The following GPC6 variants were observed in gnomAD, a reference collection of about 807,000 sequenced individuals.
GPC6 encodes the protein glypican-6.
In GPC6, 14 loss-of-function variants were observed where a neutral mutation model predicts 55.2. That is an observed-to-expected ratio of 0.25 (90% CI 0.17 to 0.40). The LOEUF (loss-of-function observed/expected upper bound fraction) is 0.40. Ranked by LOEUF, GPC6 falls within the 10% of genes least tolerant of loss-of-function variation. GPC6 has a pLI of 1.00. For synonymous variants in GPC6, 278 were observed against 259.6 expected (o/e 1.07, Z -0.68); for missense variants, 641 against 708.5 (o/e 0.90, Z 1.08).
At chr13:93,988,308 T>C (rs1881125546) in intron 3 of GPC6, among the ~76,000 whole-genome samples, 1 of 152,140 alleles carries the variant, frequency 6.6e-6, no homozygotes, top group Non-Finnish European at 1.5e-5. Flanking sequence ...ATCTGCCTCC[T>C]CCTTCTTCAT....
At chr13:93,337,794 T>C (rs1296255171) in intron 1 of GPC6, among the ~76,000 whole-genome samples, 1 of 152,198 alleles carries the variant, frequency 6.6e-6, no homozygotes, top group East Asian at 1.9e-4. Flanking sequence ...GGGTTTCCAC[T>C]ACCCTTCTGG....
At chr13:93,413,630 G>A (rs1876592561) in intron 1 of GPC6, among the ~76,000 whole-genome samples, 1 of 150,706 alleles carries the variant, frequency 6.6e-6, no homozygotes, top group African/African-American at 2.4e-5. Context: ...ATTCAGTAAT[G>A]CAATCATATG....
intron 2 of GPC6, among the ~76,000 whole-genome samples, chr13:93,737,758 G>A (rs1014899049): frequency 1.3e-5 from 2 of 151,980 alleles, no homozygotes; most frequent in African/African-American, 2.4e-5. Flanking sequence ...AATGTTGATT[G>A]GTAGGACTCT....
At chr13:93,946,815 C>CT (rs1315291925) in intron 3 of GPC6, among the ~76,000 whole-genome samples, 3 of 152,114 alleles carry the variant, frequency 2.0e-5, no homozygotes, top group Admixed American at 2.0e-4. Context: ...ATTTTCCTTA[C>CT]TTTTTTCCAG....
At chr13:94,106,760 G>A (rs1170252669) in intron 4 of GPC6, among the ~76,000 whole-genome samples, 2 of 152,084 alleles carry the variant, frequency 1.3e-5, no homozygotes, top group African/African-American at 4.8e-5. Flanking sequence ...TCTCAGTGAA[G>A]TAGTAAAGTA....
chr13:93,320,328 A>C (rs1314361120), intron 1 of GPC6, among the ~76,000 whole-genome samples: 1 of 152,076 alleles, frequency 6.6e-6, no homozygotes, highest in Non-Finnish European at 1.5e-5. Context: ...TATTCTTTTA[A>C]CTACATTTTA....
intron 4 of GPC6, among the ~76,000 whole-genome samples, chr13:94,130,204 G>A (rs763074966): frequency 6.6e-6 from 1 of 151,994 alleles, no homozygotes; most frequent in Non-Finnish European, 1.5e-5. Context: ...TCAACAGAAG[G>A]TACTTCTAAC....
intron 1 of GPC6, among the ~76,000 whole-genome samples, chr13:93,464,937 G>C (rs963929539): frequency 6.6e-6 from 1 of 152,142 alleles, no homozygotes; most frequent in Admixed American, 6.5e-5. Flanking sequence ...GTGTTAGCAG[G>C]AATCAAAACA....
chr13:93,984,233 C>G (rs1160177380), intron 3 of GPC6, among the ~76,000 whole-genome samples: 1 of 152,020 alleles, frequency 6.6e-6, no homozygotes, highest in African/African-American at 2.4e-5. Context: ...TCTGAAAGCT[C>G]CATAATTAAT....
chr13:94,175,954 A>G lies in GPC6; in HGVS notation c.878-110395A>G, dbSNP rs1171341913. On this transcript the variant is annotated intron_variant, in intron 4 of 8. Transcript: ENST00000377047. Reference sequence around the variant, plus strand: ...AAATGAGCCATATATATATATATATATAGAGAGAGAGAGAGAGAGAGAGAG... The same window carrying G: ...AAATGAGCCATATATATATATATATGTAGAGAGAGAGAGAGAGAGAGAGAG... Among the ~76,000 whole-genome samples, 4 of 104,278 alleles carry G rather than the reference A, an allele frequency of 3.8e-5. No homozygotes were observed. In the East Asian group the frequency reaches 9.2e-4, roughly 24 times the overall value. 68.4% of individuals were successfully genotyped at this position (104,278 alleles called of 152,430 possible). A position where few individuals can be genotyped will look rare whatever the true frequency, so the allele number is the denominator to read the frequency against.
At chr13:93,416,219 C>G (rs962741748) in intron 1 of GPC6, among the ~76,000 whole-genome samples, 17 of 152,020 alleles carry the variant, frequency 1.1e-4, no homozygotes, top group African/African-American at 3.9e-4. Context: ...ATACAGTTGC[C>G]AAAATGTAGG....
At chr13:93,860,846 C>T (rs1888785806) in intron 3 of GPC6, among the ~76,000 whole-genome samples, 1 of 151,616 alleles carries the variant, frequency 6.6e-6, no homozygotes, top group East Asian at 1.9e-4. Flanking sequence ...TTTTGAATCT[C>T]ATCTTTTCTT....
intron 4 of GPC6, among the ~76,000 whole-genome samples, chr13:94,111,473 T>TATAATAATAATAATA (rs149246452): frequency 6.9e-6 from 1 of 144,430 alleles, no homozygotes; most frequent in South Asian, 2.2e-4. Context: ...TTAAAGTAAA[T>TATAATAATAATAATA]ATAATAATAA....
At chr13:93,786,194 C>A (rs1419291141) in intron 2 of GPC6, among the ~76,000 whole-genome samples, 1 of 152,046 alleles carries the variant, frequency 6.6e-6, no homozygotes, top group Non-Finnish European at 1.5e-5. Context: ...AAAGACAAAA[C>A]AGCAACAACC....
chr13:94,031,052 TTGTGCG>T (rs1047623702), intron 4 of GPC6, among the ~76,000 whole-genome samples: 6 of 149,942 alleles, frequency 4.0e-5, no homozygotes, highest in African/African-American at 1.2e-4. Flanking sequence ...GTTTGTGCGT[TTGTGCG>T]TGTGCATGTG....
At chr13:93,450,977 A>G (rs773154281) in intron 1 of GPC6, among the ~76,000 whole-genome samples, 3 of 152,228 alleles carry the variant, frequency 2.0e-5, no homozygotes, top group Non-Finnish European at 4.4e-5. Context: ...AAAATAATCT[A>G]AGCTTGAAGG....
At chr13:93,264,353 A>C (rs531215967) in intron 1 of GPC6, among the ~76,000 whole-genome samples, 1 of 152,252 alleles carries the variant, frequency 6.6e-6, no homozygotes, top group South Asian at 2.1e-4. Flanking sequence ...CTCATATATA[A>C]AATGGCATAG....
chr13:93,741,402 A>T (rs554573426), intron 2 of GPC6, among the ~76,000 whole-genome samples: 1 of 152,236 alleles, frequency 6.6e-6, no homozygotes, highest in East Asian at 1.9e-4. Context: ...GGCGTGAGCC[A>T]CCGCACCTGG....
At position 93,240,293 on chromosome 13, in the gene GPC6, C is replaced by A. The variant is rs11838690; in HGVS notation, c.160+12677C>A. ...ATCTATTAGTATTTGTTTTACAAAT[C>A]CGGAAGCTCTGGTGTTAGGTGTATG... On this transcript the variant is annotated intron_variant, in intron 1 of 8. Coordinates refer to ENST00000377047, the MANE Select transcript of GPC6 (RefSeq NM_005708.5). Among the ~76,000 whole-genome samples the A allele has an allele frequency of 7.4e-3, 1,130 of 152,148 alleles. 10 individuals carry two copies. The highest frequency in any genetic ancestry group is 0.024 in the African/African-American group (1,002 of 41,518).
Sources: allele counts gnomAD v4.1 joint callset (sites outside exome capture counted in the v4.1 genomes callset), GRCh38; gene constraint gnomAD v4.1.1; transcripts MANE v1.5; gene names NCBI Gene and HGNC (gene_info 2026-07-23, HGNC 2026-07-21).